Variants in TBC1D22A observed in about 807,000 individuals in gnomAD.
TBC1D22A encodes TBC1 domain family member 22A.
Under a neutral mutation model 60.2 loss-of-function variants are expected in TBC1D22A, and 38 were observed. The observed-to-expected ratio is 0.63, with a 90% CI of 0.49 to 0.83. TBC1D22A has a LOEUF of 0.83. Ranked by LOEUF, TBC1D22A falls within the 40% of genes least tolerant of loss-of-function variation. TBC1D22A has a pLI of 0.00. For synonymous variants in TBC1D22A, 302 were observed against 281.7 expected (o/e 1.07, Z -0.72); for missense variants, 628 against 701.0 (o/e 0.90, Z 1.18).
chr22:47,046,992 T>A (rs1464380128), intron 11 of TBC1D22A, among the ~76,000 whole-genome samples: 1 of 152,260 alleles, frequency 6.6e-6, no homozygotes, highest in African/African-American at 2.4e-5. Flanking sequence ...TTTCAGATGA[T>A]GTATTCATTA....
intron 11 of TBC1D22A, among the ~76,000 whole-genome samples, chr22:47,091,204 C>T (rs1444713133): frequency 7.8e-6 from 1 of 127,834 alleles, no homozygotes; most frequent in African/African-American, 3.0e-5. Context: ...GGGGTGGCTG[C>T]GTGTTGATAG....
intron 11 of TBC1D22A, among the ~76,000 whole-genome samples, chr22:47,060,422 G>C (rs527371040): frequency 4.7e-5 from 7 of 149,644 alleles, no homozygotes; most frequent in African/African-American, 1.7e-4. Context: ...GTTGTTTTTT[G>C]TTGTTGTTGT....
chr22:46,947,620 G>A (rs1232354379), intron 8 of TBC1D22A, among the ~76,000 whole-genome samples: 1 of 152,168 alleles, frequency 6.6e-6, no homozygotes, highest in Non-Finnish European at 1.5e-5. Context: ...TGTTGTGTTC[G>A]TCTGTGTTGC....
chr22:46,875,241 C>T (rs1178641510), intron 4 of TBC1D22A, among the ~76,000 whole-genome samples: 1 of 152,172 alleles, frequency 6.6e-6, no homozygotes, highest in Non-Finnish European at 1.5e-5. Flanking sequence ...CTGGTACTGG[C>T]AACATGTGTG....
intron 8 of TBC1D22A, among the ~76,000 whole-genome samples, chr22:46,940,575 C>T (rs2147937363): frequency 7.3e-6 from 1 of 136,644 alleles, no homozygotes; most frequent in South Asian, 2.4e-4. Flanking sequence ...CACACACACA[C>T]ATGCACACAC....
chr22:47,093,779 T>C (rs2065070889), intron 11 of TBC1D22A, among the ~76,000 whole-genome samples: 1 of 152,194 alleles, frequency 6.6e-6, no homozygotes, highest in South Asian at 2.1e-4. Context: ...TTGCCAGATA[T>C]TTGGTCAAAC....
intron 12 of TBC1D22A, among the ~76,000 whole-genome samples, chr22:47,132,899 AGGGCCTTGAACTCCCTGGG>A (rs757937004): frequency 6.7e-4 from 102 of 152,236 alleles, no homozygotes; most frequent in Non-Finnish European, 2.4e-4. Context: ...AGTTCGAACC[AGGGCCTTGAACTCCCTGGG>A]GTGGACATGG....
intron 10 of TBC1D22A, among the ~76,000 whole-genome samples, chr22:47,027,926 G>A (rs1282661064): frequency 3.9e-5 from 6 of 152,182 alleles, no homozygotes; most frequent in Non-Finnish European, 5.9e-5. Flanking sequence ...TTTGAACTGC[G>A]GGTTCCCTGG....
chr22:47,062,634 G>A (rs781166722), intron 11 of TBC1D22A, among the ~76,000 whole-genome samples: 7 of 152,232 alleles, frequency 4.6e-5, no homozygotes, highest in East Asian at 3.9e-4. Flanking sequence ...GTGCAGCTTC[G>A]TGTGGAAAAG....
chr22:47,060,238 C>CTTTTTTTTTTTTTT (rs3884803), intron 11 of TBC1D22A, among the ~76,000 whole-genome samples: 1 of 111,658 alleles, frequency 9.0e-6, no homozygotes, highest in African/African-American at 3.6e-5. Flanking sequence ...GGGTTTCTGA[C>CTTTTTTTTTTTTTT]TTTTTTTTTT....
intron 11 of TBC1D22A, among the ~76,000 whole-genome samples, chr22:47,062,189 T>C (rs544934176): frequency 6.0e-5 from 9 of 151,156 alleles, no homozygotes; most frequent in Admixed American, 5.3e-4. Flanking sequence ...GTTCCGGCAG[T>C]GTGGACCCTG....
At chr22:46,996,036 G>A (rs577083547) in intron 9 of TBC1D22A, among the ~76,000 whole-genome samples, 1 of 152,324 alleles carries the variant, frequency 6.6e-6, no homozygotes, top group South Asian at 2.1e-4. Context: ...GCCACGCAAA[G>A]CAGCACCTCC....
At chr22:46,873,003 A>G (rs2067363821) in intron 4 of TBC1D22A, among the ~76,000 whole-genome samples, 1 of 152,228 alleles carries the variant, frequency 6.6e-6, no homozygotes, top group African/African-American at 2.4e-5. Flanking sequence ...TCTATTGAAT[A>G]GGATGAGATC....
rs535348366 is a variant in TBC1D22A at position 46,956,387 on chromosome 22, C to T, written c.1016-17903C>T. Among the ~76,000 whole-genome samples, 15 of 152,264 alleles carry T rather than the reference C, an allele frequency of 9.9e-5. No homozygotes were observed. The South Asian group carries it at 1.2e-3, about 13-fold the overall frequency. ...CATCACTAGGTCAGGAGATCGAGAC[C>T]GTCCTGGCTAACACGGTGAAACCCT... On this transcript the variant is annotated intron_variant, in intron 8 of 12. Coordinates refer to ENST00000337137, the MANE Select transcript of TBC1D22A (RefSeq NM_014346.5).
intron 12 of TBC1D22A, among the ~76,000 whole-genome samples, chr22:47,159,129 CCA>C (rs762506690): frequency 6.0e-5 from 9 of 151,132 alleles, no homozygotes; most frequent in Non-Finnish European, 8.9e-5. Context: ...CACACACACA[CCA>C]GTTACTGTGT....
chr22:46,907,897 GA>G (rs1430693025), intron 7 of TBC1D22A, among the ~76,000 whole-genome samples: 1 of 152,212 alleles, frequency 6.6e-6, no homozygotes, highest in Non-Finnish European at 1.5e-5. Flanking sequence ...GGAGCCGTGG[GA>G]AGTTTGGGAG....
At chr22:46,909,493 C>T (rs1471232001) in intron 7 of TBC1D22A, among the ~76,000 whole-genome samples, 1 of 152,286 alleles carries the variant, frequency 6.6e-6, no homozygotes, top group African/African-American at 2.4e-5. Context: ...CTGGCTGCCG[C>T]GGTCCTCTGG....
chr22:46,980,225 C>G lies in TBC1D22A; in HGVS notation c.1125+5826C>G. Among the ~76,000 whole-genome samples, 4 of 152,330 alleles carry G rather than the reference C, an allele frequency of 2.6e-5. No homozygotes were observed. In the Middle Eastern group the frequency reaches 0.01, roughly 389 times the overall value. Reference sequence around the variant, plus strand: ...TGAGATGGAGTCTCGCTCTGTTGCACAGGTCGGAGTACAGTGGTGTGATAC... The same window carrying G: ...TGAGATGGAGTCTCGCTCTGTTGCAGAGGTCGGAGTACAGTGGTGTGATAC... On this transcript the variant is annotated intron_variant, in intron 9 of 12. Coordinates refer to ENST00000337137, the MANE Select transcript of TBC1D22A (RefSeq NM_014346.5).
intron 10 of TBC1D22A, among the ~76,000 whole-genome samples, chr22:47,015,182 G>A (rs1386551512): frequency 2.6e-5 from 4 of 152,220 alleles, no homozygotes; most frequent in Non-Finnish European, 4.4e-5. Flanking sequence ...GTGTGTGACC[G>A]GACATGGTGC....
Sources: allele counts gnomAD v4.1 joint callset (sites outside exome capture counted in the v4.1 genomes callset), GRCh38; gene constraint gnomAD v4.1.1; transcripts MANE v1.5; gene names NCBI Gene and HGNC (gene_info 2026-07-23, HGNC 2026-07-21).